Variants in RAB3C observed in about 807,000 individuals in gnomAD.
RAB3C encodes ras-related protein Rab-3C.
In RAB3C, 17 loss-of-function variants were observed where a neutral mutation model predicts 26.4. The ratio of observed to expected loss-of-function variants is 0.64; its 90% confidence interval spans 0.44 to 0.97. The LOEUF (loss-of-function observed/expected upper bound fraction) is 0.97. Ranked by LOEUF, RAB3C falls within the 50% of genes least tolerant of loss-of-function variation. The pLI is 0.00. For missense variants in RAB3C, 242 were observed against 281.9 expected, an observed-to-expected ratio of 0.86 and a Z score of 1.01; for synonymous variants, 91 against 95.9, an observed-to-expected ratio of 0.95 and a Z score of 0.30.
At chr5:58,772,021 A>G (rs1326440395) in intron 3 of RAB3C, among the ~76,000 whole-genome samples, 1 of 152,132 alleles carries the variant, frequency 6.6e-6, no homozygotes, top group Non-Finnish European at 1.5e-5. Flanking sequence ...ACTACTGAGT[A>G]AAGCAGAAAT....
At chr5:58,709,887 G>A (rs1561296550) in intron 2 of RAB3C, among the ~76,000 whole-genome samples, 1 of 152,220 alleles carries the variant, frequency 6.6e-6, no homozygotes, top group African/African-American at 2.4e-5. Flanking sequence ...CTAATTAGCT[G>A]TGTGATGGTG....
At chr5:58,808,077 T>G (rs1742984329) in intron 3 of RAB3C, among the ~76,000 whole-genome samples, 1 of 151,492 alleles carries the variant, frequency 6.6e-6, no homozygotes, top group Non-Finnish European at 1.5e-5. Context: ...TACAAAAAAT[T>G]AGCCAGGCGT....
intron 4 of RAB3C, among the ~76,000 whole-genome samples, chr5:58,836,712 G>A (rs1180208455): frequency 6.6e-6 from 1 of 152,044 alleles, no homozygotes; most frequent in Non-Finnish European, 1.5e-5. Flanking sequence ...TGAATGACAG[G>A]CTTTCATTTT....
At chr5:58,726,571 G>A (rs561629836) in intron 3 of RAB3C, among the ~76,000 whole-genome samples, 1 of 152,006 alleles carries the variant, frequency 6.6e-6, no homozygotes, top group South Asian at 2.1e-4. Flanking sequence ...CACCACAGCA[G>A]AGTTAAGTAG....
At chr5:58,601,157 T>C (rs1048075360) in intron 1 of RAB3C, among the ~76,000 whole-genome samples, 3 of 152,300 alleles carry the variant, frequency 2.0e-5, no homozygotes, top group Non-Finnish European at 2.9e-5. Flanking sequence ...TATTGACTTA[T>C]GTATGTTAAA....
intron 3 of RAB3C, among the ~76,000 whole-genome samples, chr5:58,787,961 G>T (rs949459908): frequency 5.3e-5 from 8 of 151,994 alleles, no homozygotes; most frequent in African/African-American, 1.9e-4. Flanking sequence ...TTCAAGAATA[G>T]GTGCTGCAGA....
At chr5:58,792,468 A>G (rs936282173) in intron 3 of RAB3C, among the ~76,000 whole-genome samples, 1 of 152,198 alleles carries the variant, frequency 6.6e-6, no homozygotes, top group African/African-American at 2.4e-5. Flanking sequence ...TACAAAGGAA[A>G]GGGGAAAGTG....
At position 58,585,231 on chromosome 5, in the gene RAB3C, T is replaced by C. The variant is rs143326005; in HGVS notation, c.24+1999T>C. On this transcript the variant is annotated intron_variant, in intron 1 of 4. Transcript: ENST00000282878. ...TGTTATGGTGACCCCATCTCCATTA[T>C]TATCAATTTTCAAAAATATGTAATA... Among the ~76,000 whole-genome samples the C allele has an allele frequency of 3.3e-3, 508 of 152,126 alleles. 1 individual carries two copies. The highest frequency in any genetic ancestry group is 5.2e-3 in the Non-Finnish European group (356 of 67,880).
intron 2 of RAB3C, among the ~76,000 whole-genome samples, chr5:58,673,011 A>G (rs1748151447): frequency 6.6e-6 from 1 of 152,176 alleles, no homozygotes; most frequent in South Asian, 2.1e-4. Flanking sequence ...TTAGTATTTA[A>G]TTCTGGTAAA....
chr5:58,728,931 C>T (rs2111925238), intron 3 of RAB3C, among the ~76,000 whole-genome samples: 1 of 152,168 alleles, frequency 6.6e-6, no homozygotes, highest in East Asian at 1.9e-4. Context: ...TTTACTACCT[C>T]TGTTTCTCTG....
intron 2 of RAB3C, among the ~76,000 whole-genome samples, chr5:58,721,316 C>G (rs1740754985): frequency 6.8e-6 from 1 of 147,546 alleles, no homozygotes. Flanking sequence ...ATTTTTTAAT[C>G]ACATTTTTAT....
At chr5:58,711,755 A>G (rs758423677) in intron 2 of RAB3C, among the ~76,000 whole-genome samples, 6 of 152,064 alleles carry the variant, frequency 3.9e-5, no homozygotes, top group Admixed American at 6.6e-5. Context: ...CAAATATTAC[A>G]TTTTCTTTCC....
chr5:58,606,257 G>A (rs1205038318), intron 1 of RAB3C, among the ~76,000 whole-genome samples: 1 of 152,222 alleles, frequency 6.6e-6, no homozygotes, highest in Non-Finnish European at 1.5e-5. Flanking sequence ...CCTGTGTGTG[G>A]CTTGGCAGGT....
chr5:58,703,373 G>C (rs913810890), intron 2 of RAB3C, among the ~76,000 whole-genome samples: 1 of 151,938 alleles, frequency 6.6e-6, no homozygotes, highest in Non-Finnish European at 1.5e-5. Flanking sequence ...GTAGAGATGG[G>C]GTTTCTCCGT....
At chr5:58,595,421 G>C (rs1746226465) in intron 1 of RAB3C, among the ~76,000 whole-genome samples, 1 of 152,104 alleles carries the variant, frequency 6.6e-6, no homozygotes, top group Admixed American at 6.6e-5. Context: ...GTCTGGTGAA[G>C]ACAGCAGCTG....
intron 2 of RAB3C, among the ~76,000 whole-genome samples, chr5:58,622,753 C>T (rs191070799): frequency 1.3e-5 from 2 of 152,128 alleles, no homozygotes; most frequent in East Asian, 1.9e-4. Context: ...CCAAATAAAC[C>T]AAGGTGGTAT....
chr5:58,807,836 A>T (rs1019816769), intron 3 of RAB3C, among the ~76,000 whole-genome samples: 10 of 150,640 alleles, frequency 6.6e-5, no homozygotes, highest in Admixed American at 2.0e-4. Flanking sequence ...AAAAAAAAAA[A>T]TTTAAGAAGA....
intron 2 of RAB3C, among the ~76,000 whole-genome samples, chr5:58,641,287 C>T (rs963709511): frequency 2.0e-5 from 3 of 152,120 alleles, no homozygotes; most frequent in Non-Finnish European, 2.9e-5. Flanking sequence ...CACTGTGTAC[C>T]GTTGTTTAGT....
At chr5:58,850,948 C>T (rs143509516) in intron 4 of RAB3C, among the ~76,000 whole-genome samples, 421 of 152,204 alleles carry the variant, frequency 2.8e-3, no homozygotes, top group Non-Finnish European at 4.8e-3. Context: ...TCACCAATTC[C>T]ACTTTATAAC....
Sources: gnomAD v4.1 joint callset for allele counts (sites outside exome capture counted in the v4.1 genomes callset) on GRCh38, gnomAD v4.1.1 for gene constraint, MANE v1.5 for transcripts, NCBI Gene and HGNC (gene_info 2026-07-23, HGNC 2026-07-21) for gene names.